Variants in CSMD1 observed in about 807,000 individuals in gnomAD.
CSMD1 encodes the protein CUB and sushi domain-containing protein 1.
A neutral mutation model predicts 417.5 loss-of-function variants in CSMD1; 213 were observed. The observed-to-expected ratio is 0.51, with a 90% CI of 0.46 to 0.57. The LOEUF is 0.57. Ranked by LOEUF, CSMD1 falls within the 20% of genes least tolerant of loss-of-function variation. The probability of loss-of-function intolerance (pLI) is 0.00; values close to 1 mark genes in which losing one functional copy is unlikely to be tolerated. For missense variants in CSMD1, 6,923 were observed against 4,529.7 expected (o/e 1.53, Z -15.17); for synonymous variants, 2,862 against 1,736.8 (o/e 1.65, Z -16.11).
At chr8:3,384,741 AATAT>A (rs1343607370) in intron 18 of CSMD1, among the ~76,000 whole-genome samples, 1 of 125,500 alleles carries the variant, frequency 8.0e-6, no homozygotes, top group East Asian at 2.2e-4. Context: ...ATATTATATA[AATAT>A]ATATTTATAT....
intron 12 of CSMD1, among the ~76,000 whole-genome samples, chr8:3,422,601 G>A (rs1486191896): frequency 6.6e-6 from 1 of 152,192 alleles, no homozygotes; most frequent in Non-Finnish European, 1.5e-5. Context: ...AATAGGGCTA[G>A]ACCATGATCT....
In CSMD1 at chr8:3,493,587, T is replaced by G. The variant is rs111870317; in HGVS notation, c.1448+36A>C. 2.9e-5 allele frequency: 45 copies of G among 1,546,438 alleles called. 1 individual carries two copies. The African/African-American group carries it at 4.0e-4, about 14-fold the overall frequency. ...TCCACCCACCGTGCCCCGCACTGCA[T>G]GCATAAGAGAAGAAGAAGCTCAAGG... On this transcript the variant is annotated intron_variant, in intron 11 of 69. Coordinates refer to ENST00000635120, the MANE Select transcript of CSMD1 (RefSeq NM_033225.6).
chr8:4,022,635 C>T (rs1796847058), intron 4 of CSMD1, among the ~76,000 whole-genome samples: 1 of 152,102 alleles, frequency 6.6e-6, no homozygotes, highest in South Asian at 2.1e-4. Context: ...CATTCTGGAA[C>T]CCTCTGGGTG....
At chr8:4,176,510 T>C (rs986600795) in intron 3 of CSMD1, among the ~76,000 whole-genome samples, 9 of 152,126 alleles carry the variant, frequency 5.9e-5, no homozygotes, top group Non-Finnish European at 2.9e-5. Context: ...TTCTATACCT[T>C]CACTGTGACA....
chr8:4,562,735 CAGAT>C (rs1798403196), intron 2 of CSMD1, among the ~76,000 whole-genome samples: 1 of 152,072 alleles, frequency 6.6e-6, no homozygotes. Context: ...GACCTTCAGA[CAGAT>C]GCATGCTGGT....
intron 3 of CSMD1, among the ~76,000 whole-genome samples, chr8:4,378,733 C>T (rs2128917339): frequency 6.6e-6 from 1 of 152,260 alleles, no homozygotes; most frequent in African/African-American, 2.4e-5. Context: ...AAGGTGAGGC[C>T]TTTGGGAGAT....
chr8:3,338,554 T>C (rs1157239129), intron 23 of CSMD1, among the ~76,000 whole-genome samples: 1 of 152,174 alleles, frequency 6.6e-6, no homozygotes, highest in Non-Finnish European at 1.5e-5. Context: ...TGAATGTCCC[T>C]ATTTCCCTGT....
Position 4,957,119 on chromosome 8 carries a change from A to G in CSMD1, c.85+37213T>C, listed in dbSNP as rs186956769. On this transcript the variant is annotated intron_variant, in intron 1 of 69. Transcript: ENST00000635120. Reference sequence around the variant, plus strand: ...TTTTAAAATATAATAAATCATGAAGAGTAATAAAAGCAAATGAAATCTGGC... The same window carrying G: ...TTTTAAAATATAATAAATCATGAAGGGTAATAAAAGCAAATGAAATCTGGC... Among the ~76,000 whole-genome samples, 4 of 152,350 alleles carry G rather than the reference A, an allele frequency of 2.6e-5. No individual in the cohort carries two copies. The East Asian group carries it at 7.7e-4, about 29-fold the overall frequency.
At chr8:4,749,247 G>C (rs377550629) in intron 1 of CSMD1, among the ~76,000 whole-genome samples, 71 of 152,324 alleles carry the variant, frequency 4.7e-4, no homozygotes, top group African/African-American at 1.7e-3. Flanking sequence ...GTTATCTTTA[G>C]AGAGAATATG....
chr8:3,523,976 C>CTT (rs1455996139), intron 10 of CSMD1, among the ~76,000 whole-genome samples: 2 of 150,002 alleles, frequency 1.3e-5, no homozygotes, highest in African/African-American at 2.5e-5. Flanking sequence ...CACATGCACA[C>CTT]ACACATGCAC....
At chr8:2,966,861 A>C (rs1585065669) in intron 57 of CSMD1, 115 bp from the exon 58 acceptor site, 1 of 891,160 alleles carries the variant, frequency 1.1e-6, no homozygotes. Flanking sequence ...TACAAACCCA[A>C]AGCACACAAT....
At chr8:4,473,956 G>C (rs1800666585) in intron 2 of CSMD1, among the ~76,000 whole-genome samples, 1 of 152,010 alleles carries the variant, frequency 6.6e-6, no homozygotes, top group Non-Finnish European at 1.5e-5. Flanking sequence ...TCTACTGGGG[G>C]GAGGATTTAG....
At chr8:4,786,220 T>C (rs1396702809) in intron 1 of CSMD1, among the ~76,000 whole-genome samples, 3 of 152,220 alleles carry the variant, frequency 2.0e-5, no homozygotes, top group Admixed American at 6.5e-5. Flanking sequence ...ATTTCACCAA[T>C]TCAATTCACT....
chr8:3,284,217 G>A lies in CSMD1; in HGVS notation c.4080C>T (p.Thr1360=), dbSNP rs764926363. The A allele has an allele frequency of 7.4e-6, 12 of 1,611,588 alleles. No homozygotes were observed. Among genetic ancestry groups the A allele is most frequent in the East Asian group, 2.2e-5 (1 of 44,770 alleles). The change falls in exon 26 of 70, where the codon ACC becomes ACT. Residue 1360 remains threonine (T), a synonymous_variant. Coordinates refer to ENST00000635120, the MANE Select transcript of CSMD1 (RefSeq NM_033225.6). ...CGAACTGCAGGGTGAGTGAGTTGAA[G>A]GTGCTGTGGATGTCCTCCGGAAGGG... ...GSALPEDIHS[T]FNSLTLQFDS... is the part of the protein sequence containing the mutation.
chr8:4,166,283 GTTC>G (rs1797451489), intron 3 of CSMD1, among the ~76,000 whole-genome samples: 1 of 151,948 alleles, frequency 6.6e-6, no homozygotes, highest in Non-Finnish European at 1.5e-5. Flanking sequence ...AAACATAAAA[GTTC>G]TTAATGGAAT....
intron 6 of CSMD1, among the ~76,000 whole-genome samples, chr8:3,744,913 G>C (rs17067322): frequency 0.2 from 30,958 of 152,078 alleles, 3,847 homozygotes; most frequent in South Asian, 0.38. Flanking sequence ...TAGTTGAGTG[G>C]GCCTGAAGCA....
chr8:3,017,456 A>G (rs1808938496), intron 52 of CSMD1, among the ~76,000 whole-genome samples: 1 of 152,214 alleles, frequency 6.6e-6, no homozygotes, highest in African/African-American at 2.4e-5. Flanking sequence ...GCACACACTC[A>G]TATATATAAT....
intron 46 of CSMD1, among the ~76,000 whole-genome samples, chr8:3,100,772 G>C (rs764440135): frequency 1.3e-5 from 2 of 152,170 alleles, no homozygotes; most frequent in African/African-American, 2.4e-5. Context: ...TAGCAGATGA[G>C]GATTAGTACT....
At chr8:4,316,202 A>G (rs149766392) in intron 3 of CSMD1, among the ~76,000 whole-genome samples, 167 of 152,302 alleles carry the variant, frequency 1.1e-3, no homozygotes, top group Non-Finnish European at 2.2e-3. Context: ...GCAGGACCCC[A>G]TATTCTAAAA....
Sources: allele counts gnomAD v4.1 joint callset (sites outside exome capture counted in the v4.1 genomes callset), GRCh38; gene constraint gnomAD v4.1.1; transcripts MANE v1.5; gene names NCBI Gene and HGNC (gene_info 2026-07-23, HGNC 2026-07-21).